SCIN: variants seen among roughly 807,000 people sequenced by gnomAD.
The protein encoded by SCIN is scinderin.
Under a neutral mutation model 91.8 loss-of-function variants are expected in SCIN, and 91 were observed. The ratio of observed to expected loss-of-function variants is 0.99; its 90% confidence interval spans 0.84 to 1.18. SCIN has a LOEUF of 1.18. Ranked by LOEUF, SCIN falls within the 50% of genes most tolerant of loss-of-function variation. The pLI is 0.00. For synonymous variants in SCIN, 367 were observed against 312.6 expected, an observed-to-expected ratio of 1.17 and a Z score of -1.84; for missense variants, 1,087 against 863.9, an observed-to-expected ratio of 1.26 and a Z score of -3.24.
At chr7:12,625,224 T>C (rs958647352) in intron 6 of SCIN, 82 bp downstream of exon 6, 26 of 1,277,558 alleles carry the variant, frequency 2.0e-5, no homozygotes, top group Non-Finnish European at 2.5e-5. Flanking sequence ...ATTTTTTGAT[T>C]TTAAAAAAAA....
chr7:12,638,949 G>C (rs1487460710), intron 10 of SCIN, among the ~76,000 whole-genome samples: 1 of 152,006 alleles, frequency 6.6e-6, no homozygotes, highest in Non-Finnish European at 1.5e-5. Flanking sequence ...ATATTTCATA[G>C]TACTATATTT....
At position 12,644,154 on chromosome 7, in the gene SCIN, A is replaced by C; in HGVS notation, c.1598A>C (p.Asn533Thr). Residue 533 changes from asparagine to threonine, a missense_variant, in exon 12 of 16, where the codon AAT becomes ACT. Coordinates refer to ENST00000297029, the MANE Select transcript of SCIN (RefSeq NM_001112706.3). ...TRIVEVDVDA[N>T]SLNSNDVFVL... ...ATATTCCAGGTTGATGTTGATGCAAATTCACTGAATTCTAACGATGTTTTT... is the reference window on the plus strand; with the variant it reads ...ATATTCCAGGTTGATGTTGATGCAACTTCACTGAATTCTAACGATGTTTTT... The C allele has an allele frequency of 6.2e-7, 1 of 1,612,562 alleles. No homozygotes were observed. The highest frequency in any genetic ancestry group is 1.1e-5 in the South Asian group (1 of 90,804).
chr7:12,613,325 G>A (rs2115260881), intron 4 of SCIN, among the ~76,000 whole-genome samples: 1 of 152,178 alleles, frequency 6.6e-6, no homozygotes, highest in African/African-American at 2.4e-5. Flanking sequence ...AGTGATTCAT[G>A]ATTTCTTGCA....
chr7:12,606,403 A>T (rs984454585), intron 4 of SCIN, among the ~76,000 whole-genome samples: 1 of 152,208 alleles, frequency 6.6e-6, no homozygotes, highest in Non-Finnish European at 1.5e-5. Context: ...AATTTAATGC[A>T]GTAGTTACAT....
At chr7:12,594,458 C>A (rs112768337) in intron 3 of SCIN, among the ~76,000 whole-genome samples, 1 of 152,044 alleles carries the variant, frequency 6.6e-6, no homozygotes, top group African/African-American at 2.4e-5. Context: ...TTTCTCATTG[C>A]GATGGCAAAA....
intron 9 of SCIN, among the ~76,000 whole-genome samples, chr7:12,629,951 G>A (rs1325235428): frequency 6.6e-6 from 1 of 151,824 alleles, no homozygotes; most frequent in African/African-American, 2.4e-5. Context: ...TAAGACGGCT[G>A]GAAAAAAGAA....
At chr7:12,580,913 A>T in intron 2 of SCIN, 147 bp from the exon 3 acceptor site, 1 of 656,608 alleles carries the variant, frequency 1.5e-6, no homozygotes, top group Non-Finnish European at 2.5e-6. Flanking sequence ...CTCTTGTTTT[A>T]TGGAATAGGT....
intron 13 of SCIN, among the ~76,000 whole-genome samples, chr7:12,645,482 G>A (rs1783947001): frequency 6.6e-6 from 1 of 152,184 alleles, no homozygotes; most frequent in African/African-American, 2.4e-5. Context: ...GCTCTACACA[G>A]GGTATTTTTT....
At chr7:12,593,165 T>G (rs1782762542) in intron 3 of SCIN, among the ~76,000 whole-genome samples, 1 of 152,248 alleles carries the variant, frequency 6.6e-6, no homozygotes, top group South Asian at 2.1e-4. Context: ...TCCAGTGGCC[T>G]TCTTTGCCGC....
chr7:12,597,604 T>C (rs1454518021), intron 3 of SCIN, among the ~76,000 whole-genome samples: 5 of 152,196 alleles, frequency 3.3e-5, no homozygotes, highest in Non-Finnish European at 4.4e-5. Flanking sequence ...GCTGCACTTA[T>C]TAACTCAACA....
chr7:12,632,823 C>T (rs74396765), intron 9 of SCIN, among the ~76,000 whole-genome samples: 2,874 of 152,216 alleles, frequency 0.019, 94 homozygotes, highest in African/African-American at 0.065. Flanking sequence ...CTTTGGAATG[C>T]GGCTGGAGGG....
intron 9 of SCIN, among the ~76,000 whole-genome samples, chr7:12,631,475 A>C (rs574814830): frequency 6.0e-4 from 92 of 152,296 alleles, no homozygotes; most frequent in African/African-American, 2.1e-3. Flanking sequence ...CTTAATTTTC[A>C]GTGTGGAAGT....
rs193156321 is a variant in SCIN at position 12,587,945 on chromosome 7, C to T, written c.516+6724C>T. On this transcript the variant is annotated intron_variant, in intron 3 of 15. Coordinates refer to ENST00000297029, the MANE Select transcript of SCIN (RefSeq NM_001112706.3). ...CTGCTTAAGATGCAAAACCAGCTTT[C>T]GAAACAGCATCCTCACTTACTCCTG... is the stretch of plus-strand genomic sequence containing the variant. 6.6e-5 allele frequency among the ~76,000 whole-genome samples: 10 copies of T among 152,280 alleles called. No individual in the cohort carries two copies. In the East Asian group the frequency reaches 1.7e-3, roughly 26 times the overall value.
chr7:12,635,897 A>C, intron 9 of SCIN, 148 bp from the exon 10 acceptor site: 1 of 636,836 alleles, frequency 1.6e-6, no homozygotes, highest in Non-Finnish European at 2.8e-6. Context: ...ATACCTTGAC[A>C]AAAACAATAG....
chr7:12,575,436 T>C (rs1782350866), intron 1 of SCIN, among the ~76,000 whole-genome samples: 1 of 152,050 alleles, frequency 6.6e-6, no homozygotes, highest in African/African-American at 2.4e-5. Flanking sequence ...CTGGATTTTA[T>C]GGGAAAAACA....
intron 3 of SCIN, among the ~76,000 whole-genome samples, chr7:12,602,887 C>T (rs761564327): frequency 6.3e-4 from 96 of 152,068 alleles, no homozygotes; most frequent in Admixed American, 3.3e-4. Context: ...CCTGAGGTGA[C>T]GTACATCTTC....
In SCIN at chr7:12,653,213, A is replaced by G. The variant is rs1413499459; in HGVS notation, c.*498A>G. 6.6e-6 allele frequency: 1 copy of G among 152,244 alleles called. No individual in the cohort carries two copies. The highest frequency in any genetic ancestry group is 2.4e-5 in the African/African-American group (1 of 41,430). 9.4% of individuals were successfully genotyped at this position (152,244 alleles called of 1,614,324 possible). A position where few individuals can be genotyped will look rare whatever the true frequency, so the allele number is the denominator to read the frequency against. On this transcript the variant is annotated 3_prime_UTR_variant, in exon 16 of 16. Transcript: ENST00000297029. This position sits in a 1 kb window ranked among gnomAD's most constrained non-coding sequence, Gnocchi z 4.1. Reference sequence around the variant, plus strand: ...TTTCTTACGTTAATACATTAAAATAACCTGAAGGAAACTTTCGTTATGGGC... The same window carrying G: ...TTTCTTACGTTAATACATTAAAATAGCCTGAAGGAAACTTTCGTTATGGGC...
intron 3 of SCIN, among the ~76,000 whole-genome samples, chr7:12,602,064 G>A (rs560807874): frequency 3.3e-5 from 5 of 152,114 alleles, no homozygotes; most frequent in South Asian, 2.1e-4. Flanking sequence ...GGCGGAACCC[G>A]CTCCCAATGT....
In SCIN at chr7:12,658,451, T is replaced by A. The variant is rs1784208178; in HGVS notation, c.*5736T>A. 6.6e-6 allele frequency: 1 copy of A among 152,208 alleles called. No individual in the cohort carries two copies. The allele number at this position is 152,208 out of a possible 1,614,324, so 9.4% of individuals were successfully genotyped here. On this transcript the variant is annotated 3_prime_UTR_variant, in exon 16 of 16. Coordinates refer to ENST00000297029, the MANE Select transcript of SCIN (RefSeq NM_001112706.3). ...AAAATCTCTCCTAATGCATTCCCTTTCCAACGAACCTGAGCCTGGATTCTT... is the reference window on the plus strand; with the variant it reads ...AAAATCTCTCCTAATGCATTCCCTTACCAACGAACCTGAGCCTGGATTCTT...
Sources: allele counts gnomAD v4.1 joint callset (sites outside exome capture counted in the v4.1 genomes callset), GRCh38; gene constraint gnomAD v4.1.1; non-coding constraint Gnocchi (gnomAD v3.1); transcripts MANE v1.5; gene names NCBI Gene and HGNC (gene_info 2026-07-23, HGNC 2026-07-21).